The following SNTG1 variants were observed in gnomAD, a reference collection of about 807,000 sequenced individuals.
SNTG1 encodes gamma-1-syntrophin.
In SNTG1, 39 loss-of-function variants were observed where a neutral mutation model predicts 74.7. The observed-to-expected ratio is 0.52, with a 90% CI of 0.40 to 0.68. The LOEUF is 0.68. Among genes scored for constraint, SNTG1 ranks in the 30% least tolerant of loss-of-function variants. The pLI is 0.00. For missense variants in SNTG1, 685 were observed against 609.5 expected (o/e 1.12, Z -1.30); for synonymous variants, 254 against 217.1 (o/e 1.17, Z -1.49).
intron 1 of SNTG1, among the ~76,000 whole-genome samples, chr8:50,013,947 T>C (rs1487444221): frequency 6.6e-6 from 1 of 152,132 alleles, no homozygotes; most frequent in Non-Finnish European, 1.5e-5. Flanking sequence ...AATGTTAATG[T>C]GAAACATCAA....
rs1356255457 is a variant in SNTG1, at chr8:50,794,740, C to A, written c.*1911C>A. ...CCAACCAGAGCTGAATCTCAGTGTGCCCCATATTGGGGTTACATGAATGTG... is the reference window on the plus strand; with the variant it reads ...CCAACCAGAGCTGAATCTCAGTGTGACCCATATTGGGGTTACATGAATGTG... On this transcript the variant is annotated 3_prime_UTR_variant, in exon 19 of 19. Coordinates refer to ENST00000642720, the MANE Select transcript of SNTG1 (RefSeq NM_018967.5). 4 of 151,930 alleles carry A rather than the reference C, an allele frequency of 2.6e-5. No individual in the cohort carries two copies. The highest frequency in any genetic ancestry group is 4.4e-5 in the Non-Finnish European group (3 of 67,944). The allele number at this position is 151,930 out of a possible 1,614,324, so 9.4% of individuals were successfully genotyped here.
At chr8:49,913,598 C>T (rs1461399248) in intron 1 of SNTG1, among the ~76,000 whole-genome samples, 3 of 152,080 alleles carry the variant, frequency 2.0e-5, no homozygotes, top group Non-Finnish European at 4.4e-5. Flanking sequence ...GGCTCCGTTG[C>T]CCTATATAGG....
At chr8:50,466,126 A>G (rs1444102162) in intron 8 of SNTG1, among the ~76,000 whole-genome samples, 1 of 152,146 alleles carries the variant, frequency 6.6e-6, no homozygotes, top group Non-Finnish European at 1.5e-5. Flanking sequence ...ACTAAGTGTC[A>G]AGCTCAAGGT....
At position 50,395,506 on chromosome 8, in the gene SNTG1, G is replaced by GGT. The variant is rs58030144; in HGVS notation, c.27+1241_27+1242insGT. On this transcript the variant is annotated intron_variant, in intron 3 of 18. Coordinates refer to ENST00000642720, the MANE Select transcript of SNTG1 (RefSeq NM_018967.5). ...TTTAAATTTTAATTGTCTAATTTCT[G>GGT]TTTTTTTTTTTTTTTTTAATGGAGT... is the stretch of plus-strand genomic sequence containing the variant. Among the ~76,000 whole-genome samples, 235 of 135,644 alleles carry GGT rather than the reference G, an allele frequency of 1.7e-3. 21 individuals carry two copies. Among genetic ancestry groups the GGT allele is most frequent in the African/African-American group, 3.9e-3 (143 of 36,470 alleles). 89.0% of individuals were successfully genotyped at this position (135,644 alleles called of 152,430 possible).
chr8:50,505,663 A>T (rs1156705687), intron 9 of SNTG1, among the ~76,000 whole-genome samples: 1 of 152,082 alleles, frequency 6.6e-6, no homozygotes, highest in African/African-American at 2.4e-5. Context: ...CTTTGAAGAC[A>T]TGTCTATTCA....
chr8:49,958,471 G>T (rs1406751500), intron 1 of SNTG1, among the ~76,000 whole-genome samples: 1 of 151,808 alleles, frequency 6.6e-6, no homozygotes, highest in African/African-American at 2.4e-5. Flanking sequence ...GCCCAGGCCG[G>T]AACCCAGTGG....
At chr8:50,676,035 C>T (rs1385948099) in intron 15 of SNTG1, among the ~76,000 whole-genome samples, 1 of 151,952 alleles carries the variant, frequency 6.6e-6, no homozygotes, top group Non-Finnish European at 1.5e-5. Context: ...TGTAAGTGAC[C>T]TGGCCTTTCT....
At chr8:50,564,724 T>G (rs992994032) in intron 12 of SNTG1, among the ~76,000 whole-genome samples, 4 of 152,130 alleles carry the variant, frequency 2.6e-5, no homozygotes, top group Admixed American at 2.6e-4. Flanking sequence ...TTTTTAAAGA[T>G]TAATAATTCA....
At chr8:50,713,526 C>G (rs1022600071) in intron 17 of SNTG1, among the ~76,000 whole-genome samples, 1 of 152,028 alleles carries the variant, frequency 6.6e-6, no homozygotes, top group African/African-American at 2.4e-5. Context: ...ATTTGTCAAG[C>G]TTGGCTTTTG....
chr8:50,204,690 G>C (rs1057493228), intron 2 of SNTG1, among the ~76,000 whole-genome samples: 1 of 152,156 alleles, frequency 6.6e-6, no homozygotes, highest in African/African-American at 2.4e-5. Context: ...ATTTACATTA[G>C]TTATATCTCC....
intron 15 of SNTG1, among the ~76,000 whole-genome samples, chr8:50,700,742 C>A (rs181547218): frequency 9.2e-4 from 140 of 152,272 alleles, no homozygotes; most frequent in Admixed American, 1.5e-3. Flanking sequence ...TAGCATGTTA[C>A]CTCTATAGCA....
intron 1 of SNTG1, among the ~76,000 whole-genome samples, chr8:50,139,569 C>G (rs1010056558): frequency 6.6e-6 from 1 of 152,188 alleles, no homozygotes; most frequent in Non-Finnish European, 1.5e-5. Context: ...ATAACTCCAA[C>G]TATTTTATTA....
chr8:50,150,668 T>C (rs957171623), intron 1 of SNTG1, among the ~76,000 whole-genome samples: 2 of 152,254 alleles, frequency 1.3e-5, no homozygotes, highest in African/African-American at 4.8e-5. Context: ...GTTTTTGTCT[T>C]TGGTTCTGTT....
intron 1 of SNTG1, among the ~76,000 whole-genome samples, chr8:50,072,976 C>A (rs573366939): frequency 6.6e-6 from 1 of 152,298 alleles, no homozygotes; most frequent in South Asian, 2.1e-4. Flanking sequence ...AGTGGAGGGT[C>A]AGGCCTCCAT....
intron 4 of SNTG1, among the ~76,000 whole-genome samples, chr8:50,426,629 T>G (rs944001345): frequency 1.3e-5 from 2 of 152,038 alleles, no homozygotes; most frequent in African/African-American, 4.8e-5. Flanking sequence ...AGGCTAAAGT[T>G]AATTTATTAC....
At chr8:50,315,720 A>AAGATAGCT (rs2090290139) in intron 2 of SNTG1, among the ~76,000 whole-genome samples, 1 of 138,164 alleles carries the variant, frequency 7.2e-6, no homozygotes, top group African/African-American at 3.0e-5. Context: ...CTTCCTAACA[A>AAGATAGCT]TCTTTCATTC....
chr8:50,572,561 G>A (rs1358949948), intron 12 of SNTG1, among the ~76,000 whole-genome samples: 3 of 152,098 alleles, frequency 2.0e-5, no homozygotes, highest in Admixed American at 2.0e-4. Flanking sequence ...GATATGTTTT[G>A]AAAAGCAACA....
chr8:50,767,665 T>A (rs1261176603), intron 18 of SNTG1, among the ~76,000 whole-genome samples: 1 of 151,966 alleles, frequency 6.6e-6, no homozygotes. Flanking sequence ...AAAAGTTGTT[T>A]CTATATATAA....
At chr8:50,734,753 A>ATATCTATATATATGGACATGTATATAGG (rs2095521979) in intron 17 of SNTG1, among the ~76,000 whole-genome samples, 1 of 116,016 alleles carries the variant, frequency 8.6e-6, no homozygotes, top group Non-Finnish European at 1.6e-5. Flanking sequence ...ATGTATATAG[A>ATATCTATATATATGGACATGTATATAGG]TATCTATATA....
Sources: allele counts gnomAD v4.1 joint callset (sites outside exome capture counted in the v4.1 genomes callset), GRCh38; gene constraint gnomAD v4.1.1; transcripts MANE v1.5; gene names NCBI Gene and HGNC (gene_info 2026-07-23, HGNC 2026-07-21).